R3HDM2: variants seen among roughly 807,000 people sequenced by gnomAD.
R3HDM2 encodes the protein R3H domain containing 2.
A neutral mutation model predicts 124.5 loss-of-function variants in R3HDM2; 38 were observed. That is an observed-to-expected ratio of 0.31 (90% CI 0.24 to 0.40). The LOEUF (loss-of-function observed/expected upper bound fraction) is 0.40. Ranked by LOEUF, R3HDM2 falls within the 10% of genes least tolerant of loss-of-function variation. The pLI is 1.00. For missense variants in R3HDM2, 869 were observed against 1,236.9 expected, an observed-to-expected ratio of 0.70 and a Z score of 4.46; for synonymous variants, 391 against 448.0, an observed-to-expected ratio of 0.87 and a Z score of 1.61.
intron 2 of R3HDM2, among the ~76,000 whole-genome samples, chr12:57,339,910 A>G (rs2059353015): frequency 6.6e-6 from 1 of 152,184 alleles, no homozygotes; most frequent in South Asian, 2.1e-4. Context: ...GTTGTTCTTG[A>G]TCTTTCCTTC....
At position 57,254,501 on chromosome 12, in the gene R3HDM2, CAAAAAAAAAA is replaced by C. The variant is rs67514723; in HGVS notation, c.*262_*271del. On this transcript the variant is annotated 3_prime_UTR_variant, in exon 24 of 24. Coordinates refer to ENST00000402412, the MANE Select transcript of R3HDM2 (RefSeq NM_001394031.1). ...GGGTGACAAGAGCGAAACTCCGTCT[CAAAAAAAAAA>C]AAAAAAAAAAAAAGAAGAGGATGGG... is the stretch of plus-strand genomic sequence containing the variant. The C allele has an allele frequency of 5.9e-5, 6 of 102,054 alleles. No homozygotes were observed. The highest frequency in any genetic ancestry group is 2.9e-4 in the East Asian group (1 of 3,444). The allele number at this position is 102,054 out of a possible 1,614,324, so 6.3% of individuals were successfully genotyped here.
chr12:57,369,190 A>G (rs1176679402), intron 2 of R3HDM2, among the ~76,000 whole-genome samples: 1 of 152,138 alleles, frequency 6.6e-6, no homozygotes, highest in African/African-American at 2.4e-5. Context: ...CAGGAAAATC[A>G]CATGTAGCTC....
intron 2 of R3HDM2, among the ~76,000 whole-genome samples, chr12:57,360,041 ATATATATT>A (rs1189688273): frequency 1.6e-4 from 14 of 85,070 alleles, no homozygotes; most frequent in African/African-American, 2.9e-4. Context: ...ATATATATAT[ATATATATT>A]TTTTTTTTTT....
intron 1 of R3HDM2, chr12:57,415,199 T>A (rs1380479524): frequency 6.6e-6 from 1 of 152,006 alleles, no homozygotes; most frequent in African/African-American, 2.4e-5. Context: ...CTCAAAAACA[T>A]AAGGGAGGAG....
At chr12:57,304,394 TG>T (rs2052069607) in intron 3 of R3HDM2, 1 of 583,102 alleles carries the variant, frequency 1.7e-6, no homozygotes, top group Admixed American at 6.3e-5. Flanking sequence ...CTGAGATGTT[TG>T]GAATGGAACT....
intron 2 of R3HDM2, among the ~76,000 whole-genome samples, chr12:57,334,036 C>CAA (rs879884252): frequency 1.6e-5 from 2 of 124,228 alleles, no homozygotes; most frequent in African/African-American, 6.0e-5. Flanking sequence ...GACTCCGTCT[C>CAA]AAAAAAAAAA....
intron 2 of R3HDM2, among the ~76,000 whole-genome samples, chr12:57,392,181 C>T (rs1431590455): frequency 1.3e-5 from 2 of 152,196 alleles, no homozygotes; most frequent in Admixed American, 1.3e-4. Context: ...AGACTACAGG[C>T]TTCATGAACC....
chr12:57,408,572 A>C (rs1281742927), intron 1 of R3HDM2, among the ~76,000 whole-genome samples: 2 of 152,146 alleles, frequency 1.3e-5, no homozygotes, highest in African/African-American at 4.8e-5. Context: ...CTCTATTTAA[A>C]AACAAAAACA....
rs115479878 is a variant in R3HDM2, at chr12:57,376,411, C to T, written c.-36+19338G>A. Among the ~76,000 whole-genome samples, 312 of 152,306 alleles carry T rather than the reference C, an allele frequency of 2.0e-3. 1 individual carries two copies. Among genetic ancestry groups the T allele is most frequent in the African/African-American group, 7.2e-3 (301 of 41,572 alleles). The stretch of plus-strand genomic sequence containing the variant: ...CAAGGGACAAACAACGGGAAGGGTA[C>T]AGATGGAGACTAGGCTTGTAGGATA... On this transcript the variant is annotated intron_variant, in intron 2 of 23. Coordinates refer to ENST00000402412, the MANE Select transcript of R3HDM2 (RefSeq NM_001394031.1).
At chr12:57,261,078 G>C (rs528489983) in intron 19 of R3HDM2, among the ~76,000 whole-genome samples, 40 of 152,228 alleles carry the variant, frequency 2.6e-4, no homozygotes, top group African/African-American at 9.2e-4. Flanking sequence ...TAGGGCCATA[G>C]GAAAACTGCA....
chr12:57,295,362 A>G (rs1182881311), intron 10 of R3HDM2, 37 bp downstream of exon 10: 7 of 1,408,770 alleles, frequency 5.0e-6, no homozygotes, highest in Admixed American at 2.1e-5. Context: ...TCTTACTGCA[A>G]ACTCTCTATA....
At chr12:57,430,629 G>A (rs1431669686) in intron 1 of R3HDM2, 91 bp downstream of exon 1, 1 of 980,404 alleles carries the variant, frequency 1.0e-6, no homozygotes, top group Admixed American at 6.2e-5. Flanking sequence ...CCAGGCCGCG[G>A]GGCCTCCTCG....
chr12:57,319,129 A>G (rs2055819744), intron 2 of R3HDM2, among the ~76,000 whole-genome samples: 1 of 151,964 alleles, frequency 6.6e-6, no homozygotes, highest in Admixed American at 6.6e-5. Context: ...GTTTCGCTCT[A>G]TTGCCCAGGC....
At chr12:57,282,713 G>C (rs943783992) in intron 13 of R3HDM2, among the ~76,000 whole-genome samples, 1 of 152,118 alleles carries the variant, frequency 6.6e-6, no homozygotes, top group African/African-American at 2.4e-5. Context: ...AGAGATATCA[G>C]TTTGGGCGCC....
intron 3 of R3HDM2, among the ~76,000 whole-genome samples, chr12:57,307,791 A>C (rs2053023227): frequency 2.0e-5 from 3 of 151,956 alleles, no homozygotes; most frequent in African/African-American, 7.3e-5. Flanking sequence ...TGCCCAGCTC[A>C]GAAGCAGAAT....
At chr12:57,391,039 GA>G (rs2066608123) in intron 2 of R3HDM2, among the ~76,000 whole-genome samples, 1 of 149,592 alleles carries the variant, frequency 6.7e-6, no homozygotes, top group East Asian at 2.0e-4. Flanking sequence ...AAGAAAGAAA[GA>G]AAAGAAATAT....
At chr12:57,280,283 CAA>C in intron 14 of R3HDM2, 73 bp downstream of exon 14, 1 of 1,460,296 alleles carries the variant, frequency 6.8e-7, no homozygotes, top group Non-Finnish European at 9.2e-7. Flanking sequence ...ACCCACAGCA[CAA>C]GAGACATGAC....
In R3HDM2 at chr12:57,255,980, C is replaced by G. The variant is rs545078816; in HGVS notation, c.2632+10G>C. ...ACCTTCTCTTGGGGATTCAGCATCC[C>G]GTGACTCACCAACATCTGCTGTCCC... On this transcript the variant is annotated intron_variant, in intron 23 of 23. Transcript: ENST00000402412. 1.9e-6 allele frequency: 3 copies of G among 1,609,342 alleles called. No homozygotes were observed. Among genetic ancestry groups the G allele is most frequent in the Admixed American group, 1.7e-5 (1 of 59,546 alleles).
chr12:57,328,290 G>A (rs2057607176), intron 2 of R3HDM2, among the ~76,000 whole-genome samples: 1 of 151,842 alleles, frequency 6.6e-6, no homozygotes. Context: ...TCGAACTACT[G>A]AGCTTAAGTG....
Sources: gnomAD v4.1 joint callset for allele counts (sites outside exome capture counted in the v4.1 genomes callset) on GRCh38, gnomAD v4.1.1 for gene constraint, MANE v1.5 for transcripts, NCBI Gene and HGNC (gene_info 2026-07-23, HGNC 2026-07-21) for gene names.